BICC1: variants seen among roughly 807,000 people sequenced by gnomAD.
BICC1 encodes BicC family RNA binding protein 1, also known as protein bicaudal C homolog 1.
Under a neutral mutation model 111.0 loss-of-function variants are expected in BICC1, and 43 were observed. That is an observed-to-expected ratio of 0.39 (90% CI 0.30 to 0.50). The LOEUF (loss-of-function observed/expected upper bound fraction) is 0.50. BICC1 is among the 20% of genes least tolerant of loss of function. The pLI is 0.88. For synonymous variants in BICC1, 467 were observed against 434.4 expected (o/e 1.07, Z -0.93); for missense variants, 1,091 against 1,203.2 (o/e 0.91, Z 1.38).
chr10:58,767,437 C>A (rs1176923186), intron 3 of BICC1, among the ~76,000 whole-genome samples: 2 of 152,140 alleles, frequency 1.3e-5, no homozygotes, highest in Non-Finnish European at 1.5e-5. Context: ...AGGAGTTCCT[C>A]TCCCCAAAGC....
At chr10:58,789,556 C>T (rs1442579017) in intron 7 of BICC1, 100 bp downstream of exon 7, 15 of 1,503,918 alleles carry the variant, frequency 1.0e-5, no homozygotes, top group South Asian at 5.2e-5. Context: ...AATTTTCCTT[C>T]GTTCTACATT....
At chr10:58,730,398 G>T (rs1841250645) in intron 3 of BICC1, among the ~76,000 whole-genome samples, 5 of 152,266 alleles carry the variant, frequency 3.3e-5, no homozygotes, top group Middle Eastern at 6.8e-3. Context: ...ACTGTCATGG[G>T]CTGGCATTGA....
chr10:58,689,954 A>T (rs1839863104), intron 2 of BICC1, among the ~76,000 whole-genome samples: 1 of 152,186 alleles, frequency 6.6e-6, no homozygotes. Context: ...AATTTGATAT[A>T]ATTCAGGGAA....
chr10:58,524,468 A>G (rs1842476678), intron 1 of BICC1, among the ~76,000 whole-genome samples: 3 of 152,210 alleles, frequency 2.0e-5, no homozygotes, highest in Admixed American at 1.3e-4. Context: ...CCTATTTAAT[A>G]AATGGTGCTG....
chr10:58,630,345 G>A (rs952231410), intron 2 of BICC1, among the ~76,000 whole-genome samples: 5 of 152,140 alleles, frequency 3.3e-5, no homozygotes, highest in African/African-American at 7.2e-5. Flanking sequence ...GAAGACAGAG[G>A]GGGAAAAAGA....
chr10:58,711,808 G>GTTT (rs57938764), intron 3 of BICC1, among the ~76,000 whole-genome samples: 2 of 142,612 alleles, frequency 1.4e-5, no homozygotes, highest in Non-Finnish European at 1.5e-5. Context: ...TTTTTTTTTT[G>GTTT]TTTTTTTTTT....
chr10:58,552,137 T>C (rs1457641706), intron 1 of BICC1, among the ~76,000 whole-genome samples: 5 of 151,502 alleles, frequency 3.3e-5, no homozygotes, highest in Non-Finnish European at 7.4e-5. Context: ...TGGGTCTGGA[T>C]GGGAAAGAGT....
At chr10:58,751,814 A>G (rs1229365714) in intron 3 of BICC1, among the ~76,000 whole-genome samples, 1 of 152,210 alleles carries the variant, frequency 6.6e-6, no homozygotes, top group Non-Finnish European at 1.5e-5. Flanking sequence ...GCATATATCC[A>G]TTCACATGTA....
chr10:58,532,728 C>G (rs1007873078), intron 1 of BICC1, among the ~76,000 whole-genome samples: 1 of 151,866 alleles, frequency 6.6e-6, no homozygotes, highest in Non-Finnish European at 1.5e-5. Context: ...TTACACAATT[C>G]TGACTAAAAA....
In BICC1 at chr10:58,785,488, T is replaced by A. The variant is rs115351551; in HGVS notation, c.387+408T>A. ...TCAGTAGAATACCAGAATGATCTTC[T>A]ATATAGCTCTGTGTTGGGTGTGTGT... On this transcript the variant is annotated intron_variant, in intron 4 of 20. Transcript: ENST00000373886. Among the ~76,000 whole-genome samples the A allele has an allele frequency of 5.6e-3, 858 of 152,274 alleles. 11 individuals are homozygous for A. Among genetic ancestry groups the A allele is most frequent in the African/African-American group, 0.02 (821 of 41,568 alleles).
chr10:58,671,371 G>T (rs987286434), intron 2 of BICC1, among the ~76,000 whole-genome samples: 1 of 152,102 alleles, frequency 6.6e-6, no homozygotes. Flanking sequence ...CATCTGGAGG[G>T]TATGGCCCTT....
chr10:58,657,136 T>C (rs1483909072), intron 2 of BICC1, among the ~76,000 whole-genome samples: 1 of 152,188 alleles, frequency 6.6e-6, no homozygotes, highest in African/African-American at 2.4e-5. Flanking sequence ...CTGAATGCTC[T>C]CCTACTATCC....
chr10:58,800,405 T>TTTTGAGTTGG, intron 13 of BICC1, 79 bp downstream of exon 13: 2 of 1,414,454 alleles, frequency 1.4e-6, no homozygotes, highest in East Asian at 2.4e-5. Flanking sequence ...ATGCAGTGAT[T>TTTTGAGTTGG]TTTGAGTTGG....
At chr10:58,626,225 A>C (rs1254254871) in intron 2 of BICC1, among the ~76,000 whole-genome samples, 1 of 152,198 alleles carries the variant, frequency 6.6e-6, no homozygotes, top group East Asian at 1.9e-4. Flanking sequence ...AAAGATGATC[A>C]TCAATGTGCG....
intron 16 of BICC1, 102 bp from the exon 17 acceptor site, chr10:58,806,902 A>G: frequency 9.6e-7 from 1 of 1,038,908 alleles, no homozygotes; most frequent in South Asian, 1.7e-5. Context: ...ACATTCAGTG[A>G]TAATTTCTTC....
In BICC1 at chr10:58,741,352, A is replaced by T. The variant is rs1374725038; in HGVS notation, c.307+39209A>T. Among the ~76,000 whole-genome samples the T allele has an allele frequency of 3.3e-5, 5 of 152,338 alleles. No homozygotes were observed. The South Asian group carries it at 1.0e-3, about 32-fold the overall frequency. ...TGAGCTTTAACCTTGTAACAGCCCCATGAAAGAAGTTAGTATTTTGTGACT... is the reference window on the plus strand; with the variant it reads ...TGAGCTTTAACCTTGTAACAGCCCCTTGAAAGAAGTTAGTATTTTGTGACT... On this transcript the variant is annotated intron_variant, in intron 3 of 20. Coordinates refer to ENST00000373886, the MANE Select transcript of BICC1 (RefSeq NM_001080512.3).
intron 1 of BICC1, among the ~76,000 whole-genome samples, chr10:58,554,054 G>A (rs1483830341): frequency 6.6e-6 from 1 of 152,046 alleles, no homozygotes; most frequent in Non-Finnish European, 1.5e-5. Context: ...TTTTTGTTAT[G>A]TTTATTTTAA....
chr10:58,798,907 T>C, intron 11 of BICC1, 149 bp from the exon 12 acceptor site: 1 of 612,436 alleles, frequency 1.6e-6, no homozygotes, highest in Non-Finnish European at 2.8e-6. Context: ...TGTGTTTTTA[T>C]AGTAAATAGT....
chr10:58,692,165 TGAGAGAGAGAAAGAGA>T (rs1159709631), intron 2 of BICC1, among the ~76,000 whole-genome samples: 5 of 151,830 alleles, frequency 3.3e-5, no homozygotes, highest in African/African-American at 1.2e-4. Context: ...ATACTGAGTA[TGAGAGAGAGAAAGAGA>T]GAGAGAGAGA....
Sources: gnomAD v4.1 joint callset for allele counts (sites outside exome capture counted in the v4.1 genomes callset) on GRCh38, gnomAD v4.1.1 for gene constraint, MANE v1.5 for transcripts, NCBI Gene and HGNC (gene_info 2026-07-23, HGNC 2026-07-21) for gene names.